The following NBAS variants were observed in gnomAD, a reference collection of about 807,000 sequenced individuals.
NBAS encodes NBAS subunit of NRZ tethering complex, also known as NAG/BC035112 fusion.
Under a neutral mutation model 302.5 loss-of-function variants are expected in NBAS, and 219 were observed. That is an observed-to-expected ratio of 0.72 (90% confidence interval 0.65 to 0.81). The LOEUF is 0.81. NBAS is among the 30% of genes least tolerant of loss of function. The probability of loss-of-function intolerance (pLI) is 0.00; values close to 1 mark genes in which losing one functional copy is unlikely to be tolerated. For missense variants in NBAS, 2,932 were observed against 2,841.6 expected (o/e 1.03, Z -0.72); for synonymous variants, 1,118 against 1,021.6 (o/e 1.09, Z -1.80).
chr2:15,196,604 T>C (rs1296125900), intron 48 of NBAS, among the ~76,000 whole-genome samples: 2 of 152,066 alleles, frequency 1.3e-5, no homozygotes, highest in Non-Finnish European at 2.9e-5. Flanking sequence ...TAAATCATGA[T>C]GTAAAAATAA....
the NBAS span, among the ~76,000 whole-genome samples, chr2:14,924,546 C>T: frequency 6.6e-6 from 1 of 152,200 alleles, no homozygotes; most frequent in Non-Finnish European, 1.5e-5. Context: ...AAACAGTCCC[C>T]CCAATGGAGC....
Position 15,379,693 on chromosome 2 carries a change from A to G in NBAS, c.3499T>C (p.Tyr1167His), listed in dbSNP as rs769449208. 2 of 1,614,054 alleles carry G rather than the reference A, an allele frequency of 1.2e-6. No homozygotes were observed. Among genetic ancestry groups the G allele is most frequent in the Non-Finnish European group, 1.7e-6 (2 of 1,180,002 alleles). ...AAAACCAAGTCAATACTCTTTTCGTAGCTGACCCTGTAGTGGGGTTTCCCT... is the reference window on the plus strand; with the variant it reads ...AAAACCAAGTCAATACTCTTTTCGTGGCTGACCCTGTAGTGGGGTTTCCCT... ...HKGKPHYRVS[Y>H]EKSIDLVLAA... The change falls in exon 30 of 52, where the codon TAC becomes CAC. Residue 1167 changes from tyrosine (Y) to histidine (H), a missense_variant. Tyr to His is a moderately conservative substitution (Grantham distance 83). Coordinates refer to ENST00000281513, the MANE Select transcript of NBAS (RefSeq NM_015909.4).
intron 35 of NBAS, among the ~76,000 whole-genome samples, chr2:15,335,463 T>G (rs1429519237): frequency 6.6e-6 from 1 of 152,244 alleles, no homozygotes; most frequent in Non-Finnish European, 1.5e-5. Flanking sequence ...TTGTAAGAGT[T>G]CTGGTTGCTC....
the NBAS span, among the ~76,000 whole-genome samples, chr2:15,049,201 C>T: frequency 7.2e-5 from 11 of 152,352 alleles, no homozygotes; most frequent in Non-Finnish European, 1.5e-4. Context: ...ACCTGCACCC[C>T]CAGCTCCCTG....
the NBAS span, among the ~76,000 whole-genome samples, chr2:14,791,061 G>C: frequency 6.6e-6 from 1 of 152,106 alleles, no homozygotes; most frequent in Non-Finnish European, 1.5e-5. Context: ...CTCCATGTTG[G>C]TCAGGCTGGT....
In NBAS at chr2:15,353,569, C is replaced by A. The variant is rs1434771242; in HGVS notation, c.4073G>T (p.Ser1358Ile). Residue 1358 changes from serine (S) to isoleucine (I), a missense_variant, in exon 34 of 52, where the codon AGC becomes ATC. Ser to Ile is a moderately radical substitution (Grantham distance 142, BLOSUM62 -2). Transcript: ENST00000281513. The stretch of plus-strand genomic sequence containing the variant: ...AGGACTTACTTCTGTCTGCAGAGAG[C>A]TGCTAGCTGCCAAAAGAAGTTCAAT... The part of the protein sequence containing the change: ...SSIELLLAAS[S>I]SLQTEILYQR... 1 of 1,614,028 alleles carries A rather than the reference C, an allele frequency of 6.2e-7. No individual in the cohort carries two copies. Among genetic ancestry groups the A allele is most frequent in the Non-Finnish European group, 8.5e-7 (1 of 1,179,956 alleles).
the NBAS span, among the ~76,000 whole-genome samples, chr2:15,072,456 T>C: frequency 2.6e-5 from 4 of 152,224 alleles, no homozygotes; most frequent in Non-Finnish European, 5.9e-5. Flanking sequence ...GCATTTCTTT[T>C]GAATTTTTTA....
the NBAS span, among the ~76,000 whole-genome samples, chr2:14,883,325 A>G: frequency 6.6e-6 from 1 of 152,216 alleles, no homozygotes; most frequent in Non-Finnish European, 1.5e-5. Context: ...GCCCTTTAGT[A>G]CTAATGTTGT....
At chr2:15,286,076 G>A (rs537582743) in intron 42 of NBAS, among the ~76,000 whole-genome samples, 2 of 152,254 alleles carry the variant, frequency 1.3e-5, no homozygotes, top group African/African-American at 4.8e-5. Flanking sequence ...GGGATGCTTC[G>A]CGACACCTCC....
At chr2:15,557,135 T>G (rs1664681787) in intron 2 of NBAS, among the ~76,000 whole-genome samples, 1 of 152,162 alleles carries the variant, frequency 6.6e-6, no homozygotes, top group Non-Finnish European at 1.5e-5. Context: ...GGACTAGAAG[T>G]TATAATAATC....
In NBAS at chr2:15,394,823, C is replaced by A. The variant is rs112307725; in HGVS notation, c.3135-474G>T. Among the ~76,000 whole-genome samples, 1,023 of 152,126 alleles carry A rather than the reference C, an allele frequency of 6.7e-3. 11 individuals are homozygous for A. Among genetic ancestry groups the A allele is most frequent in the African/African-American group, 0.022 (923 of 41,556 alleles). On this transcript the variant is annotated intron_variant, in intron 27 of 51. Transcript: ENST00000281513. The stretch of plus-strand genomic sequence containing the variant: ...GTCAAGAATCCATTTTATAAATATA[C>A]AAGATATGTCAAAAATTCTCTCTGT...
intron 38 of NBAS, among the ~76,000 whole-genome samples, chr2:15,324,620 C>A (rs1031513966): frequency 7.9e-5 from 12 of 152,152 alleles, no homozygotes; most frequent in African/African-American, 2.7e-4. Context: ...GCCTGTCACT[C>A]ACAAATCTGT....
intron 28 of NBAS, among the ~76,000 whole-genome samples, chr2:15,385,668 T>A (rs554666725): frequency 6.6e-5 from 10 of 152,298 alleles, no homozygotes; most frequent in African/African-American, 2.4e-4. Context: ...AACTTGCATT[T>A]GTGAAGATTT....
At chr2:14,824,066 G>A in the NBAS span, among the ~76,000 whole-genome samples, 23 of 152,176 alleles carry the variant, frequency 1.5e-4, no homozygotes, top group Non-Finnish European at 2.6e-4. Flanking sequence ...GCAACCCTGC[G>A]CCAGACGTGT....
intron 35 of NBAS, among the ~76,000 whole-genome samples, chr2:15,336,821 G>A (rs1436408396): frequency 1.3e-5 from 2 of 152,138 alleles, no homozygotes; most frequent in Admixed American, 1.3e-4. Context: ...CTGTTCATCT[G>A]TAGAATCTTC....
intron 30 of NBAS, among the ~76,000 whole-genome samples, chr2:15,379,018 G>C (rs995813147): frequency 6.6e-6 from 1 of 152,030 alleles, no homozygotes; most frequent in African/African-American, 2.4e-5. Flanking sequence ...CTGCAATTGG[G>C]TATACCTAAT....
At chr2:15,484,775 A>T (rs776133841) in intron 12 of NBAS, among the ~76,000 whole-genome samples, 2 of 152,174 alleles carry the variant, frequency 1.3e-5, no homozygotes, top group African/African-American at 2.4e-5. Context: ...AAGAGCAGGG[A>T]CTATGACACT....
the NBAS span, among the ~76,000 whole-genome samples, chr2:14,918,985 T>A: frequency 1.3e-5 from 2 of 151,880 alleles, no homozygotes; most frequent in African/African-American, 4.8e-5. Context: ...ACCATTTAGA[T>A]GGGGGAGGGA....
intron 11 of NBAS, among the ~76,000 whole-genome samples, chr2:15,503,050 C>T (rs1029953427): frequency 6.6e-6 from 1 of 152,084 alleles, no homozygotes; most frequent in Non-Finnish European, 1.5e-5. Context: ...GACACAAATA[C>T]ACACATCAGC....
Sources: allele counts gnomAD v4.1 joint callset (sites outside exome capture counted in the v4.1 genomes callset), GRCh38; gene constraint gnomAD v4.1.1; transcripts MANE v1.5; gene names NCBI Gene and HGNC (gene_info 2026-07-23, HGNC 2026-07-21).